Variants in LPP observed in about 807,000 individuals in gnomAD.
LPP encodes LIM domain containing preferred translocation partner in lipoma.
In LPP, 38 loss-of-function variants were observed where a neutral mutation model predicts 60.4. The observed-to-expected ratio is 0.63, with a 90% CI of 0.49 to 0.83. The LOEUF (loss-of-function observed/expected upper bound fraction) is 0.83. Ranked by LOEUF, LPP falls within the 40% of genes least tolerant of loss-of-function variation. LPP has a pLI of 0.00. For synonymous variants in LPP, 328 were observed against 290.8 expected (o/e 1.13, Z -1.30); for missense variants, 902 against 783.6 (o/e 1.15, Z -1.80).
chr3:188,488,611 C>T (rs192398765), intron 5 of LPP, among the ~76,000 whole-genome samples: 6 of 147,842 alleles, frequency 4.1e-5, no homozygotes, highest in South Asian at 2.2e-4. Flanking sequence ...AGCCTTGGGA[C>T]GGTCAGTTAG....
At chr3:188,432,705 C>T (rs982346547) in intron 4 of LPP, among the ~76,000 whole-genome samples, 1 of 151,924 alleles carries the variant, frequency 6.6e-6, no homozygotes, top group Non-Finnish European at 1.5e-5. Context: ...TAGATAAAGA[C>T]CCAGGATCTT....
At chr3:188,269,799 T>C (rs1737049281) in intron 2 of LPP, among the ~76,000 whole-genome samples, 1 of 151,944 alleles carries the variant, frequency 6.6e-6, no homozygotes, top group African/African-American at 2.4e-5. Context: ...TACAGGCGCG[T>C]GCCACCACGC....
intron 2 of LPP, among the ~76,000 whole-genome samples, chr3:188,267,716 A>G (rs1736077067): frequency 6.6e-6 from 1 of 152,186 alleles, no homozygotes; most frequent in African/African-American, 2.4e-5. Context: ...TCCTCTATAG[A>G]TCAGGAAGAT....
intron 3 of LPP, among the ~76,000 whole-genome samples, chr3:188,389,300 T>A (rs1779120313): frequency 6.6e-6 from 1 of 152,198 alleles, no homozygotes; most frequent in Non-Finnish European, 1.5e-5. Flanking sequence ...GACTAATAGG[T>A]CACTGGTTTG....
At chr3:188,659,777 A>G (rs1366862930) in intron 7 of LPP, among the ~76,000 whole-genome samples, 1 of 151,192 alleles carries the variant, frequency 6.6e-6, no homozygotes, top group Non-Finnish European at 1.5e-5. Context: ...TTCATTTTAT[A>G]CTATTAGTTC....
intron 4 of LPP, among the ~76,000 whole-genome samples, chr3:188,408,313 T>C (rs1227089149): frequency 6.6e-6 from 1 of 152,122 alleles, no homozygotes; most frequent in Non-Finnish European, 1.5e-5. Context: ...TTAAGTGGGC[T>C]CATAAATGGC....
intron 9 of LPP, among the ~76,000 whole-genome samples, chr3:188,817,810 A>T (rs988249396): frequency 2.0e-5 from 3 of 152,218 alleles, no homozygotes; most frequent in Admixed American, 6.5e-5. Context: ...AACAGATACT[A>T]CAGGGCAAGG....
At chr3:188,624,156 G>T (rs942591707) in intron 7 of LPP, among the ~76,000 whole-genome samples, 1 of 152,166 alleles carries the variant, frequency 6.6e-6, no homozygotes, top group Non-Finnish European at 1.5e-5. Flanking sequence ...AAAATGACCT[G>T]TTTTTCAAGA....
In LPP at chr3:188,609,485, A is replaced by G; in HGVS notation, c.754A>G (p.Asn252Asp). ...QIYGSGPQGY[N>D]TQPVPVSGQC... is the part of the protein sequence containing the mutation. Reference sequence around the variant, plus strand: ...TTATGGCTCAGGGCCCCAGGGCTATAACACTCAGCCAGTTCCTGTCTCTGG... The same window carrying G: ...TTATGGCTCAGGGCCCCAGGGCTATGACACTCAGCCAGTTCCTGTCTCTGG... The change falls in exon 7 of 12, where the codon AAC becomes GAC. Residue 252 changes from asparagine (N) to aspartate (D), a missense_variant. By Grantham distance (23) the Asn-to-Asp change is conservative. Transcript: ENST00000617246. The surrounding 1 kb of genome is among the most constrained non-coding windows in gnomAD (Gnocchi z 6.9). 2 of 1,614,156 alleles carry G rather than the reference A, an allele frequency of 1.2e-6. No homozygotes were observed. Among genetic ancestry groups the G allele is most frequent in the Non-Finnish European group, 1.7e-6 (2 of 1,180,024 alleles).
At chr3:188,679,213 A>G (rs1858847880) in intron 7 of LPP, among the ~76,000 whole-genome samples, 1 of 152,202 alleles carries the variant, frequency 6.6e-6, no homozygotes, top group African/African-American at 2.4e-5. Flanking sequence ...CTTGGATTCC[A>G]CAATTGTAAA....
chr3:188,728,875 GAAA>G (rs199585319), intron 8 of LPP, among the ~76,000 whole-genome samples: 6 of 143,842 alleles, frequency 4.2e-5, no homozygotes, highest in Middle Eastern at 3.5e-3. Flanking sequence ...AGTGCTTTCT[GAAA>G]AAAAAAAAAA....
intron 4 of LPP, among the ~76,000 whole-genome samples, chr3:188,458,872 C>CT (rs781124716): frequency 0.016 from 2,264 of 144,192 alleles, 23 homozygotes; most frequent in African/African-American, 0.028. Context: ...TTCTTTCCTT[C>CT]TTTTTTTTTT....
At position 188,182,493 on chromosome 3, in the gene LPP, A is replaced by G. The variant is rs1314291368; in HGVS notation, c.-190+28241A>G. On this transcript the variant is annotated intron_variant, in intron 1 of 11. Coordinates refer to ENST00000617246, the MANE Select transcript of LPP (RefSeq NM_001375462.1). The surrounding 1 kb of genome is among the most constrained non-coding windows in gnomAD (Gnocchi z 4.4). ...TGTTTCACATACAGCACCAGCTGCC[A>G]TCTGGCCTAGTGAGACCTATGTGGC... Among the ~76,000 whole-genome samples the G allele has an allele frequency of 1.3e-5, 2 of 152,176 alleles. No individual in the cohort carries two copies. Among genetic ancestry groups the G allele is most frequent in the African/African-American group, 2.4e-5 (1 of 41,440 alleles).
chr3:188,199,336 A>G (rs1187227248), intron 1 of LPP, among the ~76,000 whole-genome samples: 2 of 152,142 alleles, frequency 1.3e-5, no homozygotes, highest in Non-Finnish European at 2.9e-5. Context: ...GAGAGGCAAT[A>G]GACTTTACAT....
At chr3:188,836,068 T>G (rs1758374283) in intron 9 of LPP, among the ~76,000 whole-genome samples, 1 of 152,202 alleles carries the variant, frequency 6.6e-6, no homozygotes, top group African/African-American at 2.4e-5. Context: ...TTTTATATGT[T>G]GTTTCTGTCC....
intron 9 of LPP, among the ~76,000 whole-genome samples, chr3:188,764,250 A>G (rs1247100186): frequency 6.6e-6 from 1 of 152,166 alleles, no homozygotes; most frequent in Non-Finnish European, 1.5e-5. Context: ...ACCTTGGGTA[A>G]ATCATTTAGC....
intron 2 of LPP, among the ~76,000 whole-genome samples, chr3:188,284,237 C>T (rs1253866689): frequency 6.6e-6 from 1 of 151,882 alleles, no homozygotes; most frequent in East Asian, 2.0e-4. Flanking sequence ...GTGTGAGCCA[C>T]TGTGTCTGGC....
At chr3:188,792,989 C>T (rs905808103) in intron 9 of LPP, among the ~76,000 whole-genome samples, 3 of 152,144 alleles carry the variant, frequency 2.0e-5, no homozygotes, top group Non-Finnish European at 2.9e-5. Flanking sequence ...AAGACAGGGC[C>T]GTGCACTGCG....
intron 1 of LPP, among the ~76,000 whole-genome samples, chr3:188,173,450 G>A (rs1224301582): frequency 2.0e-5 from 3 of 152,106 alleles, no homozygotes; most frequent in Admixed American, 6.5e-5. Context: ...GTTGCAGTGA[G>A]CTGAGATTGT....
Sources: allele counts gnomAD v4.1 joint callset (sites outside exome capture counted in the v4.1 genomes callset), GRCh38; gene constraint gnomAD v4.1.1; non-coding constraint Gnocchi (gnomAD v3.1); transcripts MANE v1.5; gene names NCBI Gene and HGNC (gene_info 2026-07-23, HGNC 2026-07-21).